AKAP8L: variants seen among roughly 807,000 people sequenced by gnomAD.
The protein encoded by AKAP8L is A-kinase anchoring protein 8 like.
In AKAP8L, 34 loss-of-function variants were observed where a neutral mutation model predicts 77.5. That is an observed-to-expected ratio of 0.44 (90% CI 0.33 to 0.58). The LOEUF is 0.58. Ranked by LOEUF, AKAP8L falls within the 20% of genes least tolerant of loss-of-function variation. AKAP8L has a pLI of 0.02. For synonymous variants in AKAP8L, 342 were observed against 340.7 expected, an observed-to-expected ratio of 1.00 and a Z score of -0.04; for missense variants, 806 against 887.6, an observed-to-expected ratio of 0.91 and a Z score of 1.17.
intron 1 of AKAP8L, chr19:15,417,789 A>G (rs1201556324): frequency 6.6e-6 from 1 of 152,264 alleles, no homozygotes; most frequent in African/African-American, 2.4e-5. Flanking sequence ...GCTCAAGCCT[A>G]TAATACCCTC....
intron 12 of AKAP8L, among the ~76,000 whole-genome samples, chr19:15,389,735 C>T (rs1568263395): frequency 6.6e-6 from 1 of 152,198 alleles, no homozygotes; most frequent in Non-Finnish European, 1.5e-5. Context: ...TGTGCCATTG[C>T]ACTCCAGCCT....
chr19:15,399,477 T>C lies in AKAP8L; in HGVS notation c.1049-67A>G. On this transcript the variant is annotated intron_variant, in intron 8 of 13. Coordinates refer to ENST00000397410, the MANE Select transcript of AKAP8L (RefSeq NM_014371.4). This position sits in a 1 kb window ranked among gnomAD's most constrained non-coding sequence, Gnocchi z 6.1. Reference sequence around the variant, plus strand: ...AGGACAGGGCAGGCCCTGCGGCCTCTGGCTGAATCACCCACTGTCCACTCC... The same window carrying C: ...AGGACAGGGCAGGCCCTGCGGCCTCCGGCTGAATCACCCACTGTCCACTCC... 2 of 1,191,874 alleles carry C rather than the reference T, an allele frequency of 1.7e-6. No individual in the cohort carries two copies. Among genetic ancestry groups the C allele is most frequent in the Non-Finnish European group, 2.5e-6 (2 of 799,186 alleles). The allele number at this position is 1,191,874 out of a possible 1,614,324, so 73.8% of individuals were successfully genotyped here. A position where few individuals can be genotyped will look rare whatever the true frequency, so the allele number is the denominator to read the frequency against.
chr19:15,389,224 CA>C (rs376495541), intron 12 of AKAP8L, among the ~76,000 whole-genome samples: 36 of 44,216 alleles, frequency 8.1e-4, no homozygotes, highest in African/African-American at 1.2e-3. Flanking sequence ...GACTCCATCA[CA>C]AAAAAAAAAG....
At chr19:15,402,784 C>A (rs1340070855) in intron 4 of AKAP8L, among the ~76,000 whole-genome samples, 1 of 152,244 alleles carries the variant, frequency 6.6e-6, no homozygotes, top group Non-Finnish European at 1.5e-5. Context: ...GGCATAAGCA[C>A]TCCTGGGCCA....
At chr19:15,395,300 G>A (rs778118828) in intron 12 of AKAP8L, among the ~76,000 whole-genome samples, 30 of 151,942 alleles carry the variant, frequency 2.0e-4, no homozygotes, top group African/African-American at 5.3e-4. Context: ...CCAAAGTGCC[G>A]TGCCCATTGT....
rs1599610637 is a variant in AKAP8L, at chr19:15,403,245, C to T, written c.362+230G>A. On this transcript the variant is annotated intron_variant, in intron 4 of 13. Coordinates refer to ENST00000397410, the MANE Select transcript of AKAP8L (RefSeq NM_014371.4). The surrounding 1 kb of genome is among the most constrained non-coding windows in gnomAD (Gnocchi z 4.3). ...GCCCAGTCTGGGCTTGTTCCTCTCA[C>T]CGCAAGCTGGGAAAGGCTGACCACC... 1.8e-6 allele frequency: 1 copy of T among 559,658 alleles called. No individual in the cohort carries two copies. The highest frequency in any genetic ancestry group is 3.2e-6 in the Non-Finnish European group (1 of 310,454). 34.7% of individuals were successfully genotyped at this position (559,658 alleles called of 1,614,324 possible).
At chr19:15,418,451 G>C (rs78604604) in intron 1 of AKAP8L, among the ~76,000 whole-genome samples, 9,692 of 152,256 alleles carry the variant, frequency 0.064, 435 homozygotes, top group Non-Finnish European at 0.093. Context: ...GGGGGTGGTG[G>C]GTGGGATCGG....
At chr19:15,382,703 G>C (rs928421748) in intron 12 of AKAP8L, among the ~76,000 whole-genome samples, 1 of 152,144 alleles carries the variant, frequency 6.6e-6, no homozygotes, top group African/African-American at 2.4e-5. Context: ...ACAGTGTCTC[G>C]TGCCTGTAGT....
intron 2 of AKAP8L, among the ~76,000 whole-genome samples, chr19:15,404,892 C>T (rs1056181978): frequency 2.0e-5 from 3 of 152,198 alleles, no homozygotes; most frequent in African/African-American, 7.2e-5. Flanking sequence ...GGCAGGCTGT[C>T]GTCCTGCACT....
chr19:15,418,810 G>T, intron 1 of AKAP8L, 101 bp downstream of exon 1: 1 of 1,238,490 alleles, frequency 8.1e-7, no homozygotes, highest in Non-Finnish European at 1.1e-6. Context: ...AGGGAAGGCA[G>T]TGACGGGGCC....
intron 12 of AKAP8L, among the ~76,000 whole-genome samples, chr19:15,387,570 T>C (rs1443381787): frequency 6.6e-6 from 1 of 151,872 alleles, no homozygotes; most frequent in African/African-American, 2.4e-5. Context: ...AGCTAACCCA[T>C]AGGCTAACTA....
At chr19:15,412,887 G>A (rs928690534) in intron 1 of AKAP8L, among the ~76,000 whole-genome samples, 1 of 152,232 alleles carries the variant, frequency 6.6e-6, no homozygotes, top group African/African-American at 2.4e-5. Flanking sequence ...CTGAAATTAC[G>A]ACAGATACCA....
intron 1 of AKAP8L, among the ~76,000 whole-genome samples, chr19:15,417,448 G>GT (rs1342238872): frequency 6.6e-6 from 1 of 152,086 alleles, no homozygotes; most frequent in African/African-American, 2.4e-5. Flanking sequence ...TGTGTATACC[G>GT]TAGCAGGGCA....
Position 15,398,693 on chromosome 19 carries a change from C to A in AKAP8L, c.1157+609G>T. ...TTGTCTGGAGAGCCCAGGGGCCGGGCGCCGGCGAGGCTGAGGAAGGTCCAG... is the reference window on the plus strand; with the variant it reads ...TTGTCTGGAGAGCCCAGGGGCCGGGAGCCGGCGAGGCTGAGGAAGGTCCAG... On this transcript the variant is annotated intron_variant, in intron 9 of 13. Coordinates refer to ENST00000397410, the MANE Select transcript of AKAP8L (RefSeq NM_014371.4). This position sits in a 1 kb window ranked among gnomAD's most constrained non-coding sequence, Gnocchi z 9.2. 2 of 987,926 alleles carry A rather than the reference C, an allele frequency of 2.0e-6. No homozygotes were observed. Among genetic ancestry groups the A allele is most frequent in the Non-Finnish European group, 2.4e-6 (2 of 831,622 alleles). 61.2% of individuals were successfully genotyped at this position (987,926 alleles called of 1,614,324 possible). A position where few individuals can be genotyped will look rare whatever the true frequency, so the allele number is the denominator to read the frequency against.
intron 2 of AKAP8L, among the ~76,000 whole-genome samples, chr19:15,404,916 G>C (rs79589519): frequency 2.2e-4 from 33 of 152,308 alleles, no homozygotes; most frequent in Non-Finnish European, 3.8e-4. Context: ...GTTCCTCCAC[G>C]ACCCAGTGCA....
At position 15,397,344 on chromosome 19, in the gene AKAP8L, G is replaced by GA. The variant is rs1967797208; in HGVS notation, c.1406-65dup. The GA allele has an allele frequency of 2.5e-6, 4 of 1,590,536 alleles. No individual in the cohort carries two copies. Among genetic ancestry groups the GA allele is most frequent in the Admixed American group, 1.7e-5 (1 of 57,458 alleles). On this transcript the variant is annotated intron_variant, in intron 11 of 13. Transcript: ENST00000397410. This position sits in a 1 kb window ranked among gnomAD's most constrained non-coding sequence, Gnocchi z 4.7. ...GCCTAAGATAGACCCAGGTGTTCGA[G>GA]AAAAAAACCACACCAGCTCCTCCTC... is the stretch of plus-strand genomic sequence containing the variant.
intron 2 of AKAP8L, chr19:15,404,277 C>A (rs1218178335): frequency 3.7e-6 from 2 of 540,332 alleles, no homozygotes; most frequent in Admixed American, 7.2e-5. Flanking sequence ...GTTCCCAACA[C>A]TCTCAACTAA....
At chr19:15,385,331 G>A (rs566195444) in intron 12 of AKAP8L, among the ~76,000 whole-genome samples, 36 of 143,976 alleles carry the variant, frequency 2.5e-4, no homozygotes, top group African/African-American at 8.3e-4. Context: ...ACAGGCGCCC[G>A]CCACCACGTC....
chr19:15,410,487 A>C, intron 2 of AKAP8L, 33 bp downstream of exon 2: 1 of 1,542,732 alleles, frequency 6.5e-7, no homozygotes, highest in Non-Finnish European at 8.8e-7. Flanking sequence ...GCTCTGCAGA[A>C]CACTTTGGTT....
Sources: allele counts gnomAD v4.1 joint callset (sites outside exome capture counted in the v4.1 genomes callset), GRCh38; gene constraint gnomAD v4.1.1; non-coding constraint Gnocchi (gnomAD v3.1); transcripts MANE v1.5; gene names NCBI Gene and HGNC (gene_info 2026-07-23, HGNC 2026-07-21).